ELFN2: variants seen among roughly 807,000 people sequenced by gnomAD.
ELFN2 encodes protein phosphatase 1 regulatory subunit 29.
In ELFN2, 17 loss-of-function variants were observed where a neutral mutation model predicts 45.5. That is an observed-to-expected ratio of 0.37 (90% CI 0.26 to 0.56). The LOEUF (loss-of-function observed/expected upper bound fraction) is 0.56. Ranked by LOEUF, ELFN2 falls within the 20% of genes least tolerant of loss-of-function variation. ELFN2 has a pLI of 0.77. For synonymous variants in ELFN2, 550 were observed against 551.5 expected, an observed-to-expected ratio of 1.00 and a Z score of 0.04; for missense variants, 922 against 1,183.2, an observed-to-expected ratio of 0.78 and a Z score of 3.24.
intron 2 of ELFN2, among the ~76,000 whole-genome samples, chr22:37,413,962 C>T (rs1411297454): frequency 1.3e-5 from 2 of 152,210 alleles, no homozygotes; most frequent in Non-Finnish European, 2.9e-5. Context: ...AAATGCCCGG[C>T]GTGCCACTCA....
At chr22:37,380,399 A>G (rs1442948694) in intron 2 of ELFN2, among the ~76,000 whole-genome samples, 1 of 152,160 alleles carries the variant, frequency 6.6e-6, no homozygotes, top group Non-Finnish European at 1.5e-5. Flanking sequence ...AATCCCAGAC[A>G]TGACAGAGAC....
intron 1 of ELFN2, among the ~76,000 whole-genome samples, chr22:37,361,224 G>T (rs1302817903): frequency 6.6e-6 from 1 of 152,176 alleles, no homozygotes; most frequent in Non-Finnish European, 1.5e-5. Context: ...AAGCAATGGG[G>T]CCATGAGATG....
rs551112534 is a variant in ELFN2, at chr22:37,414,558, C to T, written c.-463+3211G>A. Among the ~76,000 whole-genome samples, 9 of 152,260 alleles carry T rather than the reference C, an allele frequency of 5.9e-5. No individual in the cohort carries two copies. In the East Asian group the frequency reaches 9.6e-4, roughly 16 times the overall value. Reference sequence around the variant, plus strand: ...CCTTCCTCTTCTGGAAACCAGGTTGCGATGCAGCTTGAAGTGCATCCTAGG... The same window carrying T: ...CCTTCCTCTTCTGGAAACCAGGTTGTGATGCAGCTTGAAGTGCATCCTAGG... On this transcript the variant is annotated intron_variant, in intron 2 of 2. Transcript: ENST00000402918.
chr22:37,354,259 G>A (rs1399105680), intron 1 of ELFN2: 1 of 152,222 alleles, frequency 6.6e-6, no homozygotes, highest in African/African-American at 2.4e-5. Flanking sequence ...AGGGCCTCAT[G>A]GAGCAGTGGC....
intron 2 of ELFN2, among the ~76,000 whole-genome samples, 198 bp from the exon 3 acceptor site, chr22:37,376,194 G>A (rs939277108): frequency 6.6e-6 from 1 of 152,098 alleles, no homozygotes; most frequent in Non-Finnish European, 1.5e-5. Context: ...GGGCCCAGGG[G>A]CTGGGACGGA....
intron 2 of ELFN2, among the ~76,000 whole-genome samples, chr22:37,398,105 TGA>T (rs1391085972): frequency 2.0e-5 from 3 of 152,172 alleles, no homozygotes; most frequent in African/African-American, 7.2e-5. Flanking sequence ...TCTGGGAGGC[TGA>T]GTCTAACAGG....
At position 37,374,118 on chromosome 22, in the gene ELFN2, T is replaced by C. The variant is rs1267842095; in HGVS notation, c.1417A>G (p.Ile473Val). The C allele has an allele frequency of 6.2e-7, 1 of 1,613,036 alleles. No individual in the cohort carries two copies. The highest frequency in any genetic ancestry group is 8.5e-7 in the Non-Finnish European group (1 of 1,179,990). The change falls in exon 3 of 3, where the codon ATC becomes GTC. Residue 473 changes from isoleucine (I) to valine (V), a missense_variant. Transcript: ENST00000402918. Reference sequence around the variant, plus strand: ...AGCTTCTCCCCGATCATGGAGGGGATGGAGGCCATGCGAGATACGGGCAGC... The same window carrying C: ...AGCTTCTCCCCGATCATGGAGGGGACGGAGGCCATGCGAGATACGGGCAGC... Reference protein sequence around the residue: ...PVLPVSRMASIPSMIGEKLPT... With the variant: ...PVLPVSRMASVPSMIGEKLPT...
intron 2 of ELFN2, among the ~76,000 whole-genome samples, chr22:37,397,847 C>T (rs1025300080): frequency 6.6e-6 from 1 of 152,086 alleles, no homozygotes; most frequent in Non-Finnish European, 1.5e-5. Flanking sequence ...TGTGGGCACC[C>T]GGGAAAGAAC....
At chr22:37,359,712 G>T (rs762918114) in intron 1 of ELFN2, among the ~76,000 whole-genome samples, 23 of 152,224 alleles carry the variant, frequency 1.5e-4, no homozygotes, top group Non-Finnish European at 2.5e-4. Flanking sequence ...TGACCACCAT[G>T]GGGCAGGGCA....
intron 1 of ELFN2, among the ~76,000 whole-genome samples, chr22:37,358,064 G>C (rs917730782): frequency 1.3e-5 from 2 of 152,068 alleles, no homozygotes; most frequent in Admixed American, 1.3e-4. Context: ...TGGACCTGGC[G>C]GGTCAACCTC....
chr22:37,354,673 T>A (rs148092722), intron 1 of ELFN2: 3 of 151,184 alleles, frequency 2.0e-5, no homozygotes, highest in Admixed American at 2.0e-4. Flanking sequence ...GGGGTTCTTA[T>A]GGGGTTTTTG....
At chr22:37,343,407 T>C (rs1930607734) in intron 1 of ELFN2, among the ~76,000 whole-genome samples, 1 of 152,090 alleles carries the variant, frequency 6.6e-6, no homozygotes, top group Non-Finnish European at 1.5e-5. Flanking sequence ...CATTTCTTGG[T>C]CTGCTGTGAG....
rs8142615 is a variant in ELFN2 at position 37,374,026 on chromosome 22, G to T, written c.1509C>A (p.Ile503=). The change falls in exon 3 of 3, where the codon ATC becomes ATA. Residue 503 remains isoleucine (I), a synonymous_variant. Coordinates refer to ENST00000402918, the MANE Select transcript of ELFN2 (RefSeq NM_052906.5). Reference sequence around the variant, plus strand: ...CCCCGCCGGCGCCTGTGCGCACCTCGATATAGTTGCCTTTGGTGGCTACCT... The same window carrying T: ...CCCCGCCGGCGCCTGTGCGCACCTCTATATAGTTGCCTTTGGTGGCTACCT... ...TPKVATKGNY[I]EVRTGAGGDG... The T allele has an allele frequency of 0.38, 610,744 of 1,612,900 alleles. 118,528 individuals carry two copies. The highest frequency in any genetic ancestry group is 0.54 in the Admixed American group (32,424 of 60,004).
At chr22:37,390,026 A>G (rs1932050704) in intron 2 of ELFN2, among the ~76,000 whole-genome samples, 1 of 152,138 alleles carries the variant, frequency 6.6e-6, no homozygotes, top group South Asian at 2.1e-4. Flanking sequence ...GGGGCCTGGG[A>G]AGCTGGAACA....
At chr22:37,377,439 T>TC (rs1048555131) in intron 2 of ELFN2, among the ~76,000 whole-genome samples, 1 of 151,840 alleles carries the variant, frequency 6.6e-6, no homozygotes, top group African/African-American at 2.4e-5. Flanking sequence ...TCTGCCTCTC[T>TC]CTCCTCCTCC....
At chr22:37,408,402 T>C (rs549173462) in intron 2 of ELFN2, among the ~76,000 whole-genome samples, 59 of 152,352 alleles carry the variant, frequency 3.9e-4, no homozygotes, top group African/African-American at 1.4e-3. Context: ...CGGCCCACCA[T>C]GTGCTGAGCG....
chr22:37,375,565 A>C lies in ELFN2; in HGVS notation c.-31T>G. ...TGGCCTCGGAGTGAGGGGCCAGGGC[A>C]AGGCAGGGGGTGCCTAGCGGCCAGA... On this transcript the variant is annotated 5_prime_UTR_variant, in exon 3 of 3. Transcript: ENST00000402918. The C allele has an allele frequency of 1.3e-6, 2 of 1,511,326 alleles. No homozygotes were observed. The highest frequency in any genetic ancestry group is 1.8e-6 in the Non-Finnish European group (2 of 1,128,834). 93.6% of individuals were successfully genotyped at this position (1,511,326 alleles called of 1,614,324 possible).
chr22:37,372,737 T>A lies in ELFN2; in HGVS notation c.*335A>T. 4 of 130,874 alleles carry A rather than the reference T, an allele frequency of 3.1e-5. No individual in the cohort carries two copies. Among genetic ancestry groups the A allele is most frequent in the Non-Finnish European group, 4.7e-5 (3 of 63,994 alleles). The allele number at this position is 130,874 out of a possible 1,614,324, so 8.1% of individuals were successfully genotyped here. On this transcript the variant is annotated 3_prime_UTR_variant, in exon 3 of 3. Transcript: ENST00000402918. This position sits in a 1 kb window ranked among gnomAD's most constrained non-coding sequence, Gnocchi z 4.4. ...CCCAGACCCCCCAGACCCCACACCC[T>A]CTCTTGGCTTCCTTCCTCCCCCCGC... is the stretch of plus-strand genomic sequence containing the variant.
chr22:37,343,526 G>A (rs1473597224), intron 1 of ELFN2, among the ~76,000 whole-genome samples: 2 of 151,936 alleles, frequency 1.3e-5, no homozygotes, highest in Non-Finnish European at 2.9e-5. Flanking sequence ...TCGGTTTCAC[G>A]CCTCCTCCGC....
Sources: gnomAD v4.1 joint callset for allele counts (sites outside exome capture counted in the v4.1 genomes callset) on GRCh38, gnomAD v4.1.1 for gene constraint, Gnocchi (gnomAD v3.1) non-coding constraint, MANE v1.5 for transcripts, NCBI Gene and HGNC (gene_info 2026-07-23, HGNC 2026-07-21) for gene names.